Variants in STKLD1 observed in about 807,000 individuals in gnomAD.
The protein encoded by STKLD1 is serine/threonine kinase like domain containing 1, also known as serine/threonine kinase-like domain-containing protein STKLD1.
STKLD1 carries 79 observed loss-of-function variants against 80.4 expected under a neutral mutation model. That is an observed-to-expected ratio of 0.98 (90% CI 0.82 to 1.19). The LOEUF (loss-of-function observed/expected upper bound fraction) is 1.19, where lower values mean the gene tolerates loss of function less well. STKLD1 is among the 50% of genes most tolerant of loss of function. The pLI is 0.00. For missense variants in STKLD1, 841 were observed against 856.0 expected, an observed-to-expected ratio of 0.98 and a Z score of 0.22; for synonymous variants, 393 against 357.6, an observed-to-expected ratio of 1.10 and a Z score of -1.12.
At chr9:133,395,159 A>C (rs1554776536) in intron 8 of STKLD1, among the ~76,000 whole-genome samples, 1 of 152,154 alleles carries the variant, frequency 6.6e-6, no homozygotes, top group African/African-American at 2.4e-5. Flanking sequence ...CCAGACCCCC[A>C]GACTCCACCT....
At chr9:133,388,498 C>T (rs1282717740) in intron 5 of STKLD1, among the ~76,000 whole-genome samples, 8 of 152,250 alleles carry the variant, frequency 5.3e-5, no homozygotes, top group South Asian at 2.1e-4. Context: ...CCACCCGCCT[C>T]GGCCTCCCAG....
rs782270973 is a variant in STKLD1 at position 133,403,956 on chromosome 9, C to T, written c.1640C>T (p.Ala547Val). 1.2e-5 allele frequency: 19 copies of T among 1,610,086 alleles called. No individual in the cohort carries two copies. Among genetic ancestry groups the T allele is most frequent in the South Asian group, 9.9e-5 (9 of 90,698 alleles). Residue 547 changes from alanine to valine, a missense_variant, in exon 16 of 18, where the codon GCG becomes GTG. Physicochemically the swap from Ala to Val is moderately conservative, Grantham distance 64. Transcript: ENST00000371957. ...GAGCAGCAGTTTGAACAAGTGGTGG[C>T]GCTGCTCCTGCAAAGCATCCGGCTG... is the stretch of plus-strand genomic sequence containing the variant. ...IKEQQFEQVV[A>V]LLLQSIRLCQ... is the part of the protein sequence containing the mutation.
At chr9:133,404,675 C>T in intron 16 of STKLD1, 114 bp from the exon 17 acceptor site, 1 of 1,452,790 alleles carries the variant, frequency 6.9e-7, no homozygotes, top group Non-Finnish European at 9.2e-7. Flanking sequence ...GGTCCCGTCT[C>T]TTGTCCTGTC....
At position 133,401,745 on chromosome 9, in the gene STKLD1, G is replaced by A. The variant is rs1838711881; in HGVS notation, c.1206G>A (p.Val402=). ...LLLHLLGQAL[V]HHPEAKAPCN... is the part of the protein sequence containing the mutation. ...TTCCTCTGGCTTGAGCAGCGCTGGTGCACCACCCGGAAGCCAAGGCTCCCT... is the reference window on the plus strand; with the variant it reads ...TTCCTCTGGCTTGAGCAGCGCTGGTACACCACCCGGAAGCCAAGGCTCCCT... The change falls in exon 13 of 18, where the codon GTG becomes GTA. Residue 402 remains valine, a synonymous_variant. Transcript: ENST00000371957. 2 of 1,612,080 alleles carry A rather than the reference G, an allele frequency of 1.2e-6. No individual in the cohort carries two copies. Among genetic ancestry groups the A allele is most frequent in the Non-Finnish European group, 1.7e-6 (2 of 1,179,740 alleles).
intron 7 of STKLD1, among the ~76,000 whole-genome samples, chr9:133,391,227 G>A: frequency 6.7e-6 from 1 of 150,082 alleles, no homozygotes; most frequent in Admixed American, 6.6e-5. Context: ...GCCCTGTCCG[G>A]GAGGGAGGTG....
chr9:133,401,919 G>A, intron 13 of STKLD1, 41 bp downstream of exon 13: 5 of 1,606,924 alleles, frequency 3.1e-6, no homozygotes, highest in Non-Finnish European at 4.2e-6. Flanking sequence ...CACGCTCCAG[G>A]ACAGCCCTTC....
In STKLD1 at chr9:133,387,969, C is replaced by T. The variant is rs2130281438; in HGVS notation, c.396+421C>T. 412 of 408,142 alleles carry T rather than the reference C, an allele frequency of 1.0e-3. 3 individuals carry two copies. The highest frequency in any genetic ancestry group is 4.9e-3 in the South Asian group (276 of 55,876). 25.3% of individuals were successfully genotyped at this position (408,142 alleles called of 1,614,324 possible). On this transcript the variant is annotated intron_variant, in intron 5 of 17. Coordinates refer to ENST00000371957, the MANE Select transcript of STKLD1 (RefSeq NM_153710.5). The stretch of plus-strand genomic sequence containing the variant: ...GTGTTCATTGCTTGCTGCCACTCTG[C>T]TGCCTGATTGCGCTGCAGGCTGTTT...
chr9:133,397,041 G>A (rs1279222071), intron 9 of STKLD1, 123 bp from the exon 10 acceptor site: 1 of 1,391,376 alleles, frequency 7.2e-7, no homozygotes, highest in Non-Finnish European at 9.7e-7. Context: ...TCCCAAAACA[G>A]GGAGTTCAGT....
At position 133,389,507 on chromosome 9, in the gene STKLD1, C is replaced by T; in HGVS notation, c.397-19C>T. 2 of 1,612,296 alleles carry T rather than the reference C, an allele frequency of 1.2e-6. No individual in the cohort carries two copies. The highest frequency in any genetic ancestry group is 1.7e-6 in the Non-Finnish European group (2 of 1,179,576). On this transcript the variant is annotated intron_variant, in intron 5 of 17. Transcript: ENST00000371957. This position sits in a 1 kb window ranked among gnomAD's most constrained non-coding sequence, Gnocchi z 6.4. ...ACAGGGTGCCCCTCCCATCCTGGCA[C>T]CCCCTACTTCTCCCCCAGTGGATGC... is the stretch of plus-strand genomic sequence containing the variant.
rs1554778496 is a variant in STKLD1, at chr9:133,405,272, G to C, written c.1894G>C (p.Val632Leu). The C allele has an allele frequency of 2.5e-6, 4 of 1,609,588 alleles. No individual in the cohort carries two copies. Among genetic ancestry groups the C allele is most frequent in the African/African-American group, 2.7e-5 (2 of 74,826 alleles). ...ASYEEILPEL[V>L]SSSMKALLQE... is the part of the protein sequence containing the mutation. The stretch of plus-strand genomic sequence containing the variant: ...TGCAGAGGAGATCCTGCCGGAGCTG[G>C]TGTCCAGTAGTATGAAGGCCCTGCT... The change falls in exon 18 of 18, where the codon GTG (valine) becomes CTG (leucine). Residue 632 changes from valine to leucine, a missense_variant. Coordinates refer to ENST00000371957, the MANE Select transcript of STKLD1 (RefSeq NM_153710.5).
chr9:133,392,148 C>T (rs36078038), intron 7 of STKLD1, among the ~76,000 whole-genome samples: 9,333 of 150,668 alleles, frequency 0.062, 421 homozygotes, highest in South Asian at 0.17. Flanking sequence ...GCAATCTCGG[C>T]TCACTGCAAG....
chr9:133,389,890 C>T lies in STKLD1; in HGVS notation c.467+294C>T, dbSNP rs2130285338. The stretch of plus-strand genomic sequence containing the variant: ...CAAAAGCCCTGCCAAGAAGAGAGAC[C>T]GGGTTGCCTGCCGTGGGGCCAGTGT... On this transcript the variant is annotated intron_variant, in intron 6 of 17. Coordinates refer to ENST00000371957, the MANE Select transcript of STKLD1 (RefSeq NM_153710.5). The surrounding 1 kb of genome is among the most constrained non-coding windows in gnomAD (Gnocchi z 6.4). Among the ~76,000 whole-genome samples the T allele has an allele frequency of 4.6e-5, 7 of 152,176 alleles. No individual in the cohort carries two copies. Among genetic ancestry groups the T allele is most frequent in the East Asian group, 1.9e-4 (1 of 5,190 alleles).
At chr9:133,399,245 T>TCCATCCAC (rs929021514) in intron 11 of STKLD1, among the ~76,000 whole-genome samples, 4 of 152,170 alleles carry the variant, frequency 2.6e-5, no homozygotes, top group South Asian at 2.1e-4. Context: ...CACATATCCA[T>TCCATCCAC]CCATCCACCC....
intron 2 of STKLD1, 24 bp downstream of exon 2, chr9:133,379,146 C>A: frequency 6.2e-7 from 1 of 1,601,480 alleles, no homozygotes. Flanking sequence ...CCTGTGCATC[C>A]CATGCCGGGT....
chr9:133,403,175 G>T (rs1838754544), intron 14 of STKLD1, among the ~76,000 whole-genome samples, 163 bp downstream of exon 14: 1 of 152,254 alleles, frequency 6.6e-6, no homozygotes, highest in Admixed American at 6.5e-5. Flanking sequence ...TCCAACAGAA[G>T]AAAATCAAGG....
At chr9:133,398,629 A>G (rs1838620697) in intron 11 of STKLD1, among the ~76,000 whole-genome samples, 1 of 152,094 alleles carries the variant, frequency 6.6e-6, no homozygotes, top group Non-Finnish European at 1.5e-5. Context: ...AAATAAAAAA[A>G]TTAGCCAGGT....
intron 9 of STKLD1, among the ~76,000 whole-genome samples, chr9:133,396,432 T>C (rs782291134): frequency 6.6e-6 from 1 of 151,364 alleles, no homozygotes; most frequent in Non-Finnish European, 1.5e-5. Flanking sequence ...AGTGAGACCC[T>C]GTCTCAAAAA....
intron 10 of STKLD1, 31 bp from the exon 11 acceptor site, chr9:133,397,941 A>G: frequency 6.3e-6 from 10 of 1,596,742 alleles, no homozygotes; most frequent in Non-Finnish European, 7.7e-6. Context: ...GTCCTCAGAA[A>G]GGTCCCTCCC....
At position 133,404,917 on chromosome 9, in the gene STKLD1, C is replaced by G. The variant is rs1554778427; in HGVS notation, c.1861C>G (p.Leu621Val). The G allele has an allele frequency of 4.3e-6, 7 of 1,613,368 alleles. No homozygotes were observed. In the Admixed American group the frequency reaches 6.7e-5, roughly 15 times the overall value. ...VENVGMLLVH[L>V]ASYEEILPEL... is the part of the protein sequence containing the mutation. ...GAACGTGGGCATGCTGCTGGTCCAC[C>G]TGGCTTCCTATGGTGAGAACCCCTT... Residue 621 changes from leucine (L) to valine (V), a missense_variant, in exon 17 of 18, where the codon CTG becomes GTG. By Grantham distance (32) the Leu-to-Val change is conservative. Coordinates refer to ENST00000371957, the MANE Select transcript of STKLD1 (RefSeq NM_153710.5).
Sources: allele counts gnomAD v4.1 joint callset (sites outside exome capture counted in the v4.1 genomes callset), GRCh38; gene constraint gnomAD v4.1.1; non-coding constraint Gnocchi (gnomAD v3.1); transcripts MANE v1.5; gene names NCBI Gene and HGNC (gene_info 2026-07-23, HGNC 2026-07-21).